The following CNTN5 variants were observed in gnomAD, a reference collection of about 807,000 sequenced individuals.
CNTN5 encodes contactin-5.
In CNTN5, 77 loss-of-function variants were observed where a neutral mutation model predicts 129.1. The observed-to-expected ratio is 0.60, with a 90% CI of 0.50 to 0.72. The LOEUF (loss-of-function observed/expected upper bound fraction) is 0.72, where lower values mean the gene tolerates loss of function less well. CNTN5 is among the 30% of genes least tolerant of loss of function. The pLI, the probability that CNTN5 is intolerant of heterozygous loss-of-function variation, is 0.00. For missense variants in CNTN5, 1,478 were observed against 1,328.8 expected (o/e 1.11, Z -1.75); for synonymous variants, 509 against 465.6 (o/e 1.09, Z -1.20).
chr11:99,644,007 T>G (rs1451244897), intron 3 of CNTN5, among the ~76,000 whole-genome samples: 4 of 141,228 alleles, frequency 2.8e-5, no homozygotes, highest in African/African-American at 7.7e-5. Flanking sequence ...ACATGATAAT[T>G]TTACCCTTAA....
At chr11:99,486,704 C>G (rs1399699584) in intron 2 of CNTN5, among the ~76,000 whole-genome samples, 1 of 152,050 alleles carries the variant, frequency 6.6e-6, no homozygotes, top group Non-Finnish European at 1.5e-5. Context: ...AATGCAAAAA[C>G]TGGACTGTTG....
At chr11:99,920,164 TG>T (rs1949901148) in intron 7 of CNTN5, among the ~76,000 whole-genome samples, 1 of 152,138 alleles carries the variant, frequency 6.6e-6, no homozygotes, top group African/African-American at 2.4e-5. Flanking sequence ...AGTTCTCATG[TG>T]GGTTATTTCT....
In CNTN5 at chr11:100,341,100, T is replaced by C. The variant is rs772519272; in HGVS notation, c.2925T>C (p.Ser975=). The change falls in exon 23 of 25, where the codon AGT becomes AGC. Residue 975 remains serine, a synonymous_variant. Coordinates refer to ENST00000524871, the MANE Select transcript of CNTN5 (RefSeq NM_014361.4). ...VSATTKKSPP[S]QAPSNLRWEQ... ...TCACTTTTTATTTTGCAGCTCCTAG[T>C]CAAGCACCTAGCAACCTCAGGTGGG... 1 of 1,612,224 alleles carries C rather than the reference T, an allele frequency of 6.2e-7. No homozygotes were observed. Among genetic ancestry groups the C allele is most frequent in the South Asian group, 1.1e-5 (1 of 91,048 alleles).
intron 6 of CNTN5, among the ~76,000 whole-genome samples, chr11:99,866,780 G>T (rs1312609956): frequency 6.6e-6 from 1 of 152,200 alleles, no homozygotes; most frequent in Non-Finnish European, 1.5e-5. Flanking sequence ...TGGGCGCTAA[G>T]GTCAGACTAC....
intron 7 of CNTN5, among the ~76,000 whole-genome samples, chr11:99,947,962 C>A (rs60594028): frequency 6.6e-6 from 1 of 151,968 alleles, no homozygotes; most frequent in African/African-American, 2.4e-5. Flanking sequence ...TTTAATTATT[C>A]GTGTTATGTA....
intron 6 of CNTN5, among the ~76,000 whole-genome samples, chr11:99,906,043 G>A (rs904275958): frequency 1.3e-5 from 2 of 152,104 alleles, no homozygotes; most frequent in East Asian, 1.9e-4. Flanking sequence ...GGGCTGAGAC[G>A]ATAGGGTTTG....
intron 2 of CNTN5, among the ~76,000 whole-genome samples, chr11:99,469,917 A>C (rs752921876): frequency 3.3e-5 from 5 of 152,156 alleles, no homozygotes; most frequent in African/African-American, 7.2e-5. Flanking sequence ...AATCATCATC[A>C]TAAGAACTAC....
intron 2 of CNTN5, among the ~76,000 whole-genome samples, chr11:99,419,966 G>C (rs577953716): frequency 6.6e-5 from 10 of 152,122 alleles, no homozygotes; most frequent in Admixed American, 1.3e-4. Context: ...AGGAGTCTCC[G>C]TCTGCAAGGC....
At chr11:99,111,520 T>A (rs1857796121) in intron 1 of CNTN5, among the ~76,000 whole-genome samples, 1 of 152,054 alleles carries the variant, frequency 6.6e-6, no homozygotes, top group Non-Finnish European at 1.5e-5. Flanking sequence ...AATTAAGGAA[T>A]ACAGAAAATT....
intron 13 of CNTN5, among the ~76,000 whole-genome samples, chr11:100,154,259 G>A (rs1293468652): frequency 6.6e-6 from 1 of 152,058 alleles, no homozygotes; most frequent in African/African-American, 2.4e-5. Context: ...CGTCATCCAT[G>A]TCCCTGCAAA....
chr11:99,663,088 A>G (rs574446847), intron 3 of CNTN5, among the ~76,000 whole-genome samples: 1 of 148,692 alleles, frequency 6.7e-6, no homozygotes, highest in South Asian at 2.2e-4. Flanking sequence ...AAAGACAGTA[A>G]GTAAGATGGT....
intron 2 of CNTN5, among the ~76,000 whole-genome samples, chr11:99,478,327 T>C (rs1945460727): frequency 6.6e-6 from 1 of 152,066 alleles, no homozygotes; most frequent in Admixed American, 6.6e-5. Context: ...GGACTGAGGG[T>C]CTTTGGCTGG....
chr11:100,125,680 C>T (rs1946161605), intron 13 of CNTN5, among the ~76,000 whole-genome samples: 1 of 151,994 alleles, frequency 6.6e-6, no homozygotes, highest in Admixed American at 6.6e-5. Context: ...GATATATACC[C>T]AGTAATAGCA....
chr11:100,034,217 C>A (rs7934061), intron 9 of CNTN5, among the ~76,000 whole-genome samples: 47,955 of 151,978 alleles, frequency 0.32, 7,950 homozygotes, highest in East Asian at 0.47. Flanking sequence ...GCTTCATAGA[C>A]TTGTTATAAA....
rs1316065298 is a variant in CNTN5, at chr11:99,328,305, TAG to T, written c.-71+2824_-71+2825del. Among the ~76,000 whole-genome samples, 3 of 152,098 alleles carry T rather than the reference TAG, an allele frequency of 2.0e-5. No homozygotes were observed. The East Asian group carries it at 5.8e-4, about 29-fold the overall frequency. ...ATACTCGAAAGAATTTCTTAGCAAT[TAG>T]AGTGTCCACAGCAATCTTTCAAGGG... On this transcript the variant is annotated intron_variant, in intron 2 of 24. Coordinates refer to ENST00000524871, the MANE Select transcript of CNTN5 (RefSeq NM_014361.4).
chr11:99,889,331 TGTGTG>T lies in CNTN5; in HGVS notation c.578-26722_578-26718del, dbSNP rs1565642848. 2.3e-3 allele frequency among the ~76,000 whole-genome samples: 132 copies of T among 57,266 alleles called. 3 individuals carry two copies. The highest frequency in any genetic ancestry group is 6.2e-3 in the African/African-American group (121 of 19,628). 37.6% of individuals were successfully genotyped at this position (57,266 alleles called of 152,430 possible). A position where few individuals can be genotyped will look rare whatever the true frequency, so the allele number is the denominator to read the frequency against. On this transcript the variant is annotated intron_variant, in intron 6 of 24. Transcript: ENST00000524871. ...GTGTGTGTGTGTGTGTGTGTGTGTG[TGTGTG>T]TGTGTGTGTGTGTGTGTGTGTATAT...
At chr11:99,441,116 G>A (rs1322978490) in intron 2 of CNTN5, among the ~76,000 whole-genome samples, 2 of 152,044 alleles carry the variant, frequency 1.3e-5, no homozygotes, top group Non-Finnish European at 2.9e-5. Flanking sequence ...CACCCCACCT[G>A]GAAATACTTT....
chr11:99,547,129 A>G (rs367676156), intron 2 of CNTN5, among the ~76,000 whole-genome samples: 1 of 148,564 alleles, frequency 6.7e-6, no homozygotes, highest in African/African-American at 2.5e-5. Flanking sequence ...TCAGCCTCCC[A>G]AGTAGCTGGG....
At chr11:100,033,554 A>G (rs933635324) in intron 9 of CNTN5, among the ~76,000 whole-genome samples, 1 of 152,096 alleles carries the variant, frequency 6.6e-6, no homozygotes, top group Non-Finnish European at 1.5e-5. Context: ...TTCATGAACT[A>G]CAGTACATGG....
Sources: allele counts gnomAD v4.1 joint callset (sites outside exome capture counted in the v4.1 genomes callset), GRCh38; gene constraint gnomAD v4.1.1; transcripts MANE v1.5; gene names NCBI Gene and HGNC (gene_info 2026-07-23, HGNC 2026-07-21).